Variants in ZC3H3 observed in about 807,000 individuals in gnomAD.
The protein encoded by ZC3H3 is zinc finger CCCH-type containing 3.
ZC3H3 carries 36 observed loss-of-function variants against 77.3 expected under a neutral mutation model. The observed-to-expected ratio is 0.47, with a 90% CI of 0.36 to 0.61. The LOEUF (loss-of-function observed/expected upper bound fraction) is 0.61. Among genes scored for constraint, ZC3H3 ranks in the 20% least tolerant of loss-of-function variants. The probability of loss-of-function intolerance (pLI) is 0.00; values close to 1 mark genes in which losing one functional copy is unlikely to be tolerated. For missense variants in ZC3H3, 1,331 were observed against 1,312.2 expected, an observed-to-expected ratio of 1.01 and a Z score of -0.22; for synonymous variants, 626 against 555.2, an observed-to-expected ratio of 1.13 and a Z score of -1.79.
At chr8:143,471,134 G>A (rs747216994) in intron 5 of ZC3H3, among the ~76,000 whole-genome samples, 4 of 152,230 alleles carry the variant, frequency 2.6e-5, no homozygotes, top group Non-Finnish European at 5.9e-5. Flanking sequence ...CAACATCCAC[G>A]ATGACCGGGG....
intron 3 of ZC3H3, among the ~76,000 whole-genome samples, chr8:143,522,615 AC>A (rs77082065): frequency 0.15 from 22,027 of 148,314 alleles, 1,780 homozygotes; most frequent in Admixed American, 0.21. Flanking sequence ...TTAAAAAAAA[AC>A]ACACACACAC....
intron 3 of ZC3H3, among the ~76,000 whole-genome samples, chr8:143,535,055 T>C (rs1822750194): frequency 6.6e-6 from 1 of 151,938 alleles, no homozygotes. Context: ...TGGGTTTCTT[T>C]TTTTTTTGAG....
At chr8:143,510,720 A>C (rs1242943811) in intron 3 of ZC3H3, among the ~76,000 whole-genome samples, 1 of 152,206 alleles carries the variant, frequency 6.6e-6, no homozygotes, top group Non-Finnish European at 1.5e-5. Context: ...CTGAGGACAC[A>C]GGCCCAGGCG....
chr8:143,498,981 A>G (rs1296923965), intron 4 of ZC3H3, among the ~76,000 whole-genome samples: 2 of 150,796 alleles, frequency 1.3e-5, no homozygotes, highest in African/African-American at 4.9e-5. Flanking sequence ...CAGGGCGGGC[A>G]GGGGCAGAGG....
Position 143,538,021 on chromosome 8 carries a change from C to T in ZC3H3, c.1346G>A (p.Arg449Gln), listed in dbSNP as rs1442911721. 7 of 1,607,026 alleles carry T rather than the reference C, an allele frequency of 4.4e-6. No homozygotes were observed. Among genetic ancestry groups the T allele is most frequent in the Non-Finnish European group, 5.1e-6 (6 of 1,176,320 alleles). ...TGCCCACCTTGTGCTGCTGCGTCTCCGGATGATCTTGGTGCGGCTCTTCAC... is the reference window on the plus strand; with the variant it reads ...TGCCCACCTTGTGCTGCTGCGTCTCTGGATGATCTTGGTGCGGCTCTTCAC... ...YKVKSRTKII[R>Q]RRSSTSLPGD... Residue 449 changes from arginine (R) to glutamine (Q), a missense_variant, in exon 2 of 12, where the codon CGG (arginine) becomes CAG (glutamine). Around this residue, in one of 3 missense-constraint regions of ZC3H3, gnomAD observed 978 missense variants for 915.5 expected, o/e 1.07. Transcript: ENST00000262577.
chr8:143,478,470 C>T (rs412488), intron 4 of ZC3H3, among the ~76,000 whole-genome samples: 89,298 of 152,128 alleles, frequency 0.59, 27,766 homozygotes, highest in Non-Finnish European at 0.71. Flanking sequence ...AGGACCTCGG[C>T]CTGGCTGGGC....
chr8:143,499,338 G>A (rs922462028), intron 4 of ZC3H3, among the ~76,000 whole-genome samples: 1 of 152,074 alleles, frequency 6.6e-6, no homozygotes, highest in Non-Finnish European at 1.5e-5. Context: ...GGTGGGAGCC[G>A]GGAAGGCAGT....
At position 143,507,764 on chromosome 8, in the gene ZC3H3, C is replaced by T. The variant is rs762016722; in HGVS notation, c.1697G>A (p.Arg566Gln). Residue 566 changes from arginine (R) to glutamine (Q), a missense_variant, in exon 4 of 12, where the codon CGG (arginine) becomes CAG (glutamine). Transcript: ENST00000262577. ...TTCCTACCTGGATAGTGAGAGCCGC[C>T]GGGCCCGCCAGGAGGGCAGAGACAG... ...FPLSLPSWRARRLSLSRSLVL... is the reference protein window; with the variant it reads ...FPLSLPSWRAQRLSLSRSLVL... The T allele has an allele frequency of 6.9e-6, 11 of 1,584,454 alleles. No homozygotes were observed. Among genetic ancestry groups the T allele is most frequent in the African/African-American group, 6.7e-5 (5 of 74,530 alleles).
intron 9 of ZC3H3, among the ~76,000 whole-genome samples, chr8:143,443,318 A>T (rs1358834771): frequency 6.6e-6 from 1 of 151,056 alleles, no homozygotes; most frequent in African/African-American, 2.4e-5. Context: ...GAACTTTTTG[A>T]AATTACTTAG....
chr8:143,525,888 A>G (rs1411313063), intron 3 of ZC3H3, among the ~76,000 whole-genome samples: 1 of 152,160 alleles, frequency 6.6e-6, no homozygotes, highest in Non-Finnish European at 1.5e-5. Flanking sequence ...AGGCCTCCCC[A>G]CCCAGCTGGA....
Position 143,448,713 on chromosome 8 carries a change from G to C in ZC3H3, c.2308-7593C>G, listed in dbSNP as rs1423549663. On this transcript the variant is annotated intron_variant, in intron 9 of 11. Transcript: ENST00000262577. ...GGTGGATCTACCACTCCAGGGTCTG[G>C]AGGACAGTGGCCCTCTTCTCACAGC... Among the ~76,000 whole-genome samples the C allele has an allele frequency of 7.9e-5, 12 of 152,344 alleles. 1 individual carries two copies. In the South Asian group the frequency reaches 2.3e-3, roughly 29 times the overall value.
intron 9 of ZC3H3, among the ~76,000 whole-genome samples, chr8:143,455,978 CAA>C (rs58754874): frequency 1.2e-4 from 5 of 40,906 alleles, no homozygotes; most frequent in Admixed American, 2.9e-4. Context: ...GACTCTGTCT[CAA>C]AAAAAAAAAA....
intron 1 of ZC3H3, among the ~76,000 whole-genome samples, chr8:143,539,753 C>A (rs915351318): frequency 3.9e-5 from 6 of 152,208 alleles, no homozygotes; most frequent in African/African-American, 1.2e-4. Context: ...AGGAGTCACT[C>A]CACTGAGTGT....
chr8:143,528,465 C>G (rs939639389), intron 3 of ZC3H3, among the ~76,000 whole-genome samples: 1 of 152,226 alleles, frequency 6.6e-6, no homozygotes, highest in African/African-American at 2.4e-5. Context: ...GCCAGCCTCC[C>G]GGGGAGATCG....
At chr8:143,502,896 C>G (rs1335650196) in intron 4 of ZC3H3, among the ~76,000 whole-genome samples, 1 of 152,254 alleles carries the variant, frequency 6.6e-6, no homozygotes, top group Non-Finnish European at 1.5e-5. Context: ...CACTTCAAGG[C>G]AGCAGTCCTG....
intron 4 of ZC3H3, among the ~76,000 whole-genome samples, chr8:143,501,810 G>A (rs1049217231): frequency 2.6e-5 from 4 of 151,964 alleles, no homozygotes; most frequent in African/African-American, 9.7e-5. Context: ...CGGGTGTTAC[G>A]TTAGGATTCA....
rs760121722 is a variant in ZC3H3 at position 143,462,560 on chromosome 8, G to C, written c.2307+3157C>G. Among the ~76,000 whole-genome samples the C allele has an allele frequency of 1.7e-4, 26 of 152,216 alleles. No homozygotes were observed. The highest frequency in any genetic ancestry group is 2.5e-4 in the Non-Finnish European group (17 of 68,032). On this transcript the variant is annotated intron_variant, in intron 9 of 11. Coordinates refer to ENST00000262577, the MANE Select transcript of ZC3H3 (RefSeq NM_015117.3). This position sits in a 1 kb window ranked among gnomAD's most constrained non-coding sequence, Gnocchi z 4.7. ...AGCCTGGAGGATGAAGGCAGGGTGT[G>C]CGTGAGGGGAATCCCAGGTGACTCA...
chr8:143,464,202 G>C (rs769379766), intron 9 of ZC3H3, among the ~76,000 whole-genome samples: 2 of 152,232 alleles, frequency 1.3e-5, no homozygotes, highest in Non-Finnish European at 2.9e-5. Context: ...GCCGCGGCGC[G>C]GACACACGGA....
At chr8:143,448,357 A>G (rs1228206009) in intron 9 of ZC3H3, among the ~76,000 whole-genome samples, 1 of 152,238 alleles carries the variant, frequency 6.6e-6, no homozygotes, top group Non-Finnish European at 1.5e-5. Flanking sequence ...AACCCATAAA[A>G]TCAAAACAAG....
Sources: allele counts gnomAD v4.1 joint callset (sites outside exome capture counted in the v4.1 genomes callset), GRCh38; gene constraint gnomAD v4.1.1; regional missense constraint gnomAD v4.1.1; non-coding constraint Gnocchi (gnomAD v3.1); transcripts MANE v1.5; gene names NCBI Gene and HGNC (gene_info 2026-07-23, HGNC 2026-07-21).